The following DDX42 variants were observed in gnomAD, a reference collection of about 807,000 sequenced individuals.
The protein encoded by DDX42 is ATP-dependent RNA helicase DDX42.
Under a neutral mutation model 101.5 loss-of-function variants are expected in DDX42, and 22 were observed. The observed-to-expected ratio is 0.22, with a 90% confidence interval of 0.15 to 0.31. The LOEUF is 0.31. DDX42 is among the 10% of genes least tolerant of loss of function. The pLI is 1.00. For missense variants in DDX42, 849 were observed against 1,199.9 expected, an observed-to-expected ratio of 0.71 and a Z score of 4.32; for synonymous variants, 402 against 401.2, an observed-to-expected ratio of 1.00 and a Z score of -0.02.
chr17:63,788,009 A>G (rs1450065704), intron 2 of DDX42, among the ~76,000 whole-genome samples: 1 of 147,306 alleles, frequency 6.8e-6, no homozygotes, highest in Non-Finnish European at 1.5e-5. Flanking sequence ...AGTTCAAGTG[A>G]TTCTCCAGCC....
At chr17:63,788,074 T>A (rs955126994) in intron 2 of DDX42, among the ~76,000 whole-genome samples, 1 of 151,764 alleles carries the variant, frequency 6.6e-6, no homozygotes, top group African/African-American at 2.4e-5. Context: ...TGGGCTAATT[T>A]TTGTATTATT....
intron 6 of DDX42, 74 bp from the exon 7 acceptor site, chr17:63,804,997 T>G (rs921840968): frequency 3.9e-6 from 6 of 1,524,758 alleles, no homozygotes; most frequent in Non-Finnish European, 5.3e-6. Flanking sequence ...TGGAAAAGAT[T>G]ATTTTGCAAT....
intron 9 of DDX42, 49 bp from the exon 10 acceptor site, chr17:63,808,771 G>T (rs772371914): frequency 1.9e-6 from 3 of 1,603,926 alleles, no homozygotes; most frequent in Non-Finnish European, 2.6e-6. Flanking sequence ...GTTGTGACAG[G>T]TATTTGTTAG....
chr17:63,815,158 C>T (rs1165897580), intron 15 of DDX42, among the ~76,000 whole-genome samples: 1 of 152,180 alleles, frequency 6.6e-6, no homozygotes, highest in Non-Finnish European at 1.5e-5. Context: ...TTTTCCTTTG[C>T]TTCTGAACAT....
intron 1 of DDX42, among the ~76,000 whole-genome samples, chr17:63,779,353 T>A (rs920608401): frequency 3.3e-5 from 5 of 152,156 alleles, no homozygotes; most frequent in Admixed American, 3.3e-4. Context: ...AACCTCCGAC[T>A]CCTGGGTTCA....
At chr17:63,788,796 A>T (rs1042633558) in intron 2 of DDX42, among the ~76,000 whole-genome samples, 2 of 152,200 alleles carry the variant, frequency 1.3e-5, no homozygotes, top group Non-Finnish European at 2.9e-5. Context: ...TCTATACAAA[A>T]TATCTCTCTT....
chr17:63,814,282 G>A (rs181922412), intron 15 of DDX42, among the ~76,000 whole-genome samples: 318 of 152,332 alleles, frequency 2.1e-3, no homozygotes, highest in African/African-American at 7.3e-3. Context: ...CTGAATCCAT[G>A]CTGTCCCCAA....
intron 1 of DDX42, chr17:63,775,078 ATGTC>A (rs2039402101): frequency 1.3e-5 from 2 of 152,510 alleles, no homozygotes; most frequent in Admixed American, 6.5e-5. Flanking sequence ...TGATGTTTCT[ATGTC>A]TGTCCTCTCT....
intron 1 of DDX42, among the ~76,000 whole-genome samples, chr17:63,784,466 A>G (rs973877052): frequency 7.2e-5 from 11 of 152,156 alleles, no homozygotes; most frequent in African/African-American, 2.7e-4. Flanking sequence ...ACTTTTTCAT[A>G]AATGTAAGTA....
intron 15 of DDX42, 43 bp downstream of exon 15, chr17:63,813,497 C>T: frequency 6.4e-7 from 1 of 1,564,904 alleles, no homozygotes; most frequent in Non-Finnish European, 8.8e-7. Context: ...GGTTATAAGA[C>T]CAAGACATTT....
At chr17:63,810,974 C>A in intron 12 of DDX42, 102 bp from the exon 13 acceptor site, 1 of 854,392 alleles carries the variant, frequency 1.2e-6, no homozygotes, top group Non-Finnish European at 1.8e-6. Flanking sequence ...TTCAGGTGAG[C>A]TTATGTAAAA....
intron 3 of DDX42, among the ~76,000 whole-genome samples, chr17:63,793,856 TTA>T (rs138103837): frequency 6.7e-4 from 47 of 70,654 alleles, no homozygotes; most frequent in Middle Eastern, 7.5e-3. Flanking sequence ...GCAGAAAAAT[TTA>T]TATATATATA....
intron 1 of DDX42, among the ~76,000 whole-genome samples, chr17:63,782,416 C>T (rs1442367650): frequency 1.3e-5 from 2 of 151,786 alleles, no homozygotes; most frequent in Non-Finnish European, 2.9e-5. Flanking sequence ...TCTGCAGTTA[C>T]TGCCCCTGCT....
chr17:63,813,082 C>T, intron 14 of DDX42, 146 bp from the exon 15 acceptor site: 1 of 667,206 alleles, frequency 1.5e-6, no homozygotes, highest in East Asian at 2.8e-5. Flanking sequence ...GTGGTGGTGA[C>T]TTAACATGCC....
chr17:63,806,524 T>C lies in DDX42; in HGVS notation c.727-11T>C. The stretch of plus-strand genomic sequence containing the variant: ...GTACAAGTCATTCTGGGGAGTTGTC[T>C]CTATCTCTAGGTCTCTGGTGCTGCA... On this transcript the variant is annotated splice_polypyrimidine_tract_variant and intron_variant, in intron 7 of 17. Coordinates refer to ENST00000389924, the MANE Select transcript of DDX42 (RefSeq NM_203499.3). The C allele has an allele frequency of 6.2e-7, 1 of 1,607,106 alleles. No homozygotes were observed.
At chr17:63,780,203 G>C (rs1363141988) in intron 1 of DDX42, among the ~76,000 whole-genome samples, 3 of 152,114 alleles carry the variant, frequency 2.0e-5, no homozygotes, top group Non-Finnish European at 2.9e-5. Flanking sequence ...GGCTGAGGCA[G>C]GAGAATCACT....
chr17:63,796,901 C>T (rs2039700107), intron 3 of DDX42, among the ~76,000 whole-genome samples: 1 of 152,026 alleles, frequency 6.6e-6, no homozygotes, highest in African/African-American at 2.4e-5. Flanking sequence ...GATAGAACAC[C>T]CGATCATGCC....
chr17:63,792,713 T>G, intron 3 of DDX42, 151 bp downstream of exon 3: 1 of 769,344 alleles, frequency 1.3e-6, no homozygotes, highest in Non-Finnish European at 1.9e-6. Context: ...GTTGCATATA[T>G]CTACTTCCAC....
chr17:63,775,186 A>G (rs2039404360), intron 1 of DDX42: 1 of 152,668 alleles, frequency 6.6e-6, no homozygotes, highest in Admixed American at 6.5e-5. Flanking sequence ...GAGGTGAGCA[A>G]TGAGTGTTTC....
Sources: allele counts gnomAD v4.1 joint callset (sites outside exome capture counted in the v4.1 genomes callset), GRCh38; gene constraint gnomAD v4.1.1; transcripts MANE v1.5; gene names NCBI Gene and HGNC (gene_info 2026-07-23, HGNC 2026-07-21).